The following ZBTB20 variants were observed in gnomAD, a reference collection of about 807,000 sequenced individuals.
The protein encoded by ZBTB20 is zinc finger and BTB domain-containing protein 20.
In ZBTB20, 9 loss-of-function variants were observed where a neutral mutation model predicts 56.9. The observed-to-expected ratio is 0.16, with a 90% CI of 0.10 to 0.28. The LOEUF (loss-of-function observed/expected upper bound fraction) is 0.28, where lower values mean the gene tolerates loss of function less well. Ranked by LOEUF, ZBTB20 falls within the 10% of genes least tolerant of loss-of-function variation. The pLI is 1.00. For synonymous variants in ZBTB20, 417 were observed against 420.7 expected, an observed-to-expected ratio of 0.99 and a Z score of 0.11; for missense variants, 655 against 1,003.0, an observed-to-expected ratio of 0.65 and a Z score of 4.69.
intron 6 of ZBTB20, among the ~76,000 whole-genome samples, chr3:114,563,412 T>C (rs567875807): frequency 1.3e-5 from 2 of 152,354 alleles, no homozygotes; most frequent in African/African-American, 4.8e-5. Flanking sequence ...GTAAAAATTT[T>C]AATCTTAGTT....
chr3:114,615,494 A>G (rs1252953030), intron 6 of ZBTB20, among the ~76,000 whole-genome samples: 1 of 152,144 alleles, frequency 6.6e-6, no homozygotes, highest in African/African-American at 2.4e-5. Flanking sequence ...GTAAATGTAA[A>G]AGTTCCTTTT....
At chr3:114,434,124 A>G (rs1311656158) in intron 7 of ZBTB20, among the ~76,000 whole-genome samples, 2 of 152,158 alleles carry the variant, frequency 1.3e-5, no homozygotes, top group African/African-American at 2.4e-5. Flanking sequence ...TTGGCATTAT[A>G]AGAACATCAT....
chr3:114,731,553 G>A (rs143870226), intron 5 of ZBTB20, among the ~76,000 whole-genome samples: 180 of 152,116 alleles, frequency 1.2e-3, no homozygotes, highest in African/African-American at 3.2e-3. Flanking sequence ...AGATAAGGCC[G>A]AAAATATCCT....
chr3:114,611,184 T>G (rs2057524037), intron 6 of ZBTB20, among the ~76,000 whole-genome samples: 1 of 152,108 alleles, frequency 6.6e-6, no homozygotes, highest in South Asian at 2.1e-4. Context: ...TGGTGCTGAT[T>G]TGGTTGAACT....
chr3:115,064,125 C>G (rs574427680), intron 2 of ZBTB20, among the ~76,000 whole-genome samples: 1 of 152,118 alleles, frequency 6.6e-6, no homozygotes, highest in East Asian at 1.9e-4. Context: ...ACATCCCTTT[C>G]GGGAGTTCTC....
intron 7 of ZBTB20, among the ~76,000 whole-genome samples, chr3:114,446,162 T>C (rs1236743593): frequency 6.6e-6 from 1 of 152,144 alleles, no homozygotes; most frequent in Non-Finnish European, 1.5e-5. Flanking sequence ...CATCTCATCA[T>C]TACTGTTTAT....
chr3:114,982,046 T>G (rs760977852), intron 2 of ZBTB20, among the ~76,000 whole-genome samples: 2 of 151,918 alleles, frequency 1.3e-5, no homozygotes, highest in Admixed American at 6.6e-5. Context: ...TTTCCCAGAG[T>G]CAATGCCAAA....
intron 5 of ZBTB20, among the ~76,000 whole-genome samples, chr3:114,737,106 C>G (rs1201662275): frequency 6.6e-6 from 1 of 152,068 alleles, no homozygotes; most frequent in Admixed American, 6.6e-5. Context: ...GCCAAAGTTA[C>G]AAATCTATGG....
chr3:114,733,636 G>T (rs2065921626), intron 5 of ZBTB20, among the ~76,000 whole-genome samples: 1 of 152,016 alleles, frequency 6.6e-6, no homozygotes, highest in African/African-American at 2.4e-5. Flanking sequence ...CCTTCATCTT[G>T]GGAGCTTCCA....
intron 3 of ZBTB20, among the ~76,000 whole-genome samples, chr3:114,962,440 C>G (rs2077489839): frequency 6.6e-6 from 1 of 152,112 alleles, no homozygotes; most frequent in South Asian, 2.1e-4. Flanking sequence ...TCACTGCAGA[C>G]AGACAGCCCG....
intron 6 of ZBTB20, among the ~76,000 whole-genome samples, chr3:114,575,623 T>C (rs1476447896): frequency 6.6e-6 from 1 of 151,582 alleles, no homozygotes; most frequent in East Asian, 1.9e-4. Flanking sequence ...TACTTCAAAA[T>C]GCCTCTATTT....
At chr3:114,459,637 G>A (rs1249314712) in intron 7 of ZBTB20, among the ~76,000 whole-genome samples, 1 of 151,964 alleles carries the variant, frequency 6.6e-6, no homozygotes, top group Non-Finnish European at 1.5e-5. Context: ...TTCTTCATGA[G>A]TAAATACAAA....
intron 6 of ZBTB20, chr3:114,687,598 G>A (rs1321087199): frequency 2.1e-5 from 3 of 143,086 alleles, no homozygotes; most frequent in African/African-American, 2.6e-5. Flanking sequence ...TAAATAAAAG[G>A]AGTTGAAAGG....
At chr3:114,754,127 G>A (rs2067819389) in intron 5 of ZBTB20, among the ~76,000 whole-genome samples, 1 of 152,152 alleles carries the variant, frequency 6.6e-6, no homozygotes, top group Admixed American at 6.6e-5. Flanking sequence ...CCACGTGAGA[G>A]GTGCTTGGGC....
At position 114,820,055 on chromosome 3, in the gene ZBTB20, G is replaced by C. The variant is rs752703915; in HGVS notation, c.-416-18881C>G. The stretch of plus-strand genomic sequence containing the variant: ...AGAAAAGCACTTTTACATACAATTG[G>C]AGAAGAATTCTCAAAGGAACCTTGA... On this transcript the variant is annotated intron_variant, in intron 4 of 11. Coordinates refer to ENST00000675478, the MANE Select transcript of ZBTB20 (RefSeq NM_001348800.3). Among the ~76,000 whole-genome samples, 86 of 151,784 alleles carry C rather than the reference G, an allele frequency of 5.7e-4. 3 individuals are homozygous for C. The highest frequency in any genetic ancestry group is 8.8e-5 in the Non-Finnish European group (6 of 67,814).
chr3:114,604,807 C>A (rs1040140131), intron 6 of ZBTB20, among the ~76,000 whole-genome samples: 3 of 151,944 alleles, frequency 2.0e-5, no homozygotes. Context: ...AATCGAGTTA[C>A]CAGTAAAATA....
intron 6 of ZBTB20, among the ~76,000 whole-genome samples, chr3:114,606,238 C>A (rs2057140332): frequency 6.6e-6 from 1 of 152,038 alleles, no homozygotes; most frequent in Non-Finnish European, 1.5e-5. Flanking sequence ...TCATTCAGTC[C>A]CTGTAATCAA....
At chr3:114,404,853 T>C (rs1198707716) in intron 7 of ZBTB20, among the ~76,000 whole-genome samples, 1 of 152,118 alleles carries the variant, frequency 6.6e-6, no homozygotes, top group Non-Finnish European at 1.5e-5. Flanking sequence ...TGCCCTCAGT[T>C]TGCCTCCTTT....
At chr3:114,434,747 C>T (rs372247656) in intron 7 of ZBTB20, among the ~76,000 whole-genome samples, 6 of 152,066 alleles carry the variant, frequency 3.9e-5, no homozygotes, top group Non-Finnish European at 8.8e-5. Context: ...TTGAGACTAT[C>T]TGCCAACAAT....
Sources: allele counts gnomAD v4.1 joint callset (sites outside exome capture counted in the v4.1 genomes callset), GRCh38; gene constraint gnomAD v4.1.1; transcripts MANE v1.5; gene names NCBI Gene and HGNC (gene_info 2026-07-23, HGNC 2026-07-21).